The following SCAPER variants were observed in gnomAD, a reference collection of about 807,000 sequenced individuals.
SCAPER encodes the protein S phase cyclin A-associated protein in the endoplasmic reticulum.
SCAPER carries 98 observed loss-of-function variants against 182.2 expected under a neutral mutation model. The ratio of observed to expected loss-of-function variants is 0.54; its 90% CI spans 0.46 to 0.64. SCAPER has a LOEUF of 0.64. Among genes scored for constraint, SCAPER ranks in the 30% least tolerant of loss-of-function variants. The pLI, the probability that SCAPER is intolerant of heterozygous loss-of-function variation, is 0.00. For missense variants in SCAPER, 1,432 were observed against 1,690.0 expected (o/e 0.85, Z 2.68); for synonymous variants, 605 against 564.6 (o/e 1.07, Z -1.01).
At chr15:76,857,663 T>C in intron 4 of SCAPER, 146 bp downstream of exon 4, 1 of 573,994 alleles carries the variant, frequency 1.7e-6, no homozygotes, top group Non-Finnish European at 3.0e-6. Flanking sequence ...CTGATTACCA[T>C]ATACACATTT....
chr15:76,635,938 T>C (rs2053557296), intron 21 of SCAPER, among the ~76,000 whole-genome samples: 1 of 152,238 alleles, frequency 6.6e-6, no homozygotes, highest in Non-Finnish European at 1.5e-5. Flanking sequence ...AATCTTTAAA[T>C]ATGCTGCTGC....
At chr15:76,459,416 T>G (rs558161492) in intron 25 of SCAPER, among the ~76,000 whole-genome samples, 2 of 152,288 alleles carry the variant, frequency 1.3e-5, no homozygotes, top group East Asian at 3.9e-4. Context: ...CTCATTGTGA[T>G]TTTGATTTGC....
chr15:76,659,816 C>G (rs778725816), intron 21 of SCAPER, among the ~76,000 whole-genome samples: 2 of 152,080 alleles, frequency 1.3e-5, no homozygotes, highest in Non-Finnish European at 2.9e-5. Context: ...TAAATTATTC[C>G]GTTATTGTGC....
chr15:76,780,088 G>C (rs909390164), intron 8 of SCAPER, among the ~76,000 whole-genome samples: 1 of 152,230 alleles, frequency 6.6e-6, no homozygotes, highest in African/African-American at 2.4e-5. Flanking sequence ...CCTCACCCAG[G>C]AAATACAAGG....
intron 22 of SCAPER, among the ~76,000 whole-genome samples, 159 bp downstream of exon 22, chr15:76,621,605 A>G (rs912565800): frequency 6.6e-6 from 1 of 152,204 alleles, no homozygotes; most frequent in Non-Finnish European, 1.5e-5. Context: ...AAATATCCTC[A>G]GCCAACTCTC....
chr15:76,556,616 G>C (rs531761836), intron 23 of SCAPER, among the ~76,000 whole-genome samples: 1 of 152,102 alleles, frequency 6.6e-6, no homozygotes, highest in East Asian at 1.9e-4. Flanking sequence ...ACACAAACTA[G>C]GAAACCTAGA....
At chr15:76,883,591 T>C (rs2073690611) in intron 2 of SCAPER, among the ~76,000 whole-genome samples, 1 of 152,172 alleles carries the variant, frequency 6.6e-6, no homozygotes, top group Non-Finnish European at 1.5e-5. Flanking sequence ...ATTCCTAACC[T>C]AGGTACCATA....
Position 76,733,294 on chromosome 15 carries a change from T to G in SCAPER, c.1957A>C (p.Asn653His). The change falls in exon 16 of 32, where the codon AAT becomes CAT. Residue 653 changes from asparagine (N) to histidine (H), a missense_variant. Transcript: ENST00000563290. Reference protein sequence around the residue: ...SKLKEYEQRLNELQEERQRRQ... With the variant: ...SKLKEYEQRLHELQEERQRRQ... ...CTCTGACGCTCTTCCTGTAGCTCAT[T>G]AAGCCTCTGTTCATATTCCTTCAAT... 1 of 1,611,076 alleles carries G rather than the reference T, an allele frequency of 6.2e-7. No homozygotes were observed.
chr15:76,383,105 T>TAC (rs77313356), intron 27 of SCAPER, among the ~76,000 whole-genome samples: 23,397 of 149,792 alleles, frequency 0.16, 3,231 homozygotes, highest in African/African-American at 0.36. Context: ...TGTGTGTAAA[T>TAC]ACACACACAC....
At chr15:76,685,933 G>A (rs2058014967) in intron 20 of SCAPER, among the ~76,000 whole-genome samples, 1 of 151,964 alleles carries the variant, frequency 6.6e-6, no homozygotes, top group Admixed American at 6.5e-5. Flanking sequence ...ATTCTAAGTG[G>A]ATTGAAGATT....
At chr15:76,845,272 T>A (rs2069949794) in intron 4 of SCAPER, among the ~76,000 whole-genome samples, 1 of 152,174 alleles carries the variant, frequency 6.6e-6, no homozygotes, top group Admixed American at 6.5e-5. Context: ...TCATACTGAA[T>A]GTGGAAAAAC....
intron 22 of SCAPER, among the ~76,000 whole-genome samples, chr15:76,613,000 T>A (rs1166990293): frequency 6.6e-6 from 1 of 152,206 alleles, no homozygotes; most frequent in African/African-American, 2.4e-5. Context: ...ATGGGAGGCA[T>A]CAAGCTACCT....
At chr15:76,543,905 C>T (rs972308546) in intron 23 of SCAPER, among the ~76,000 whole-genome samples, 6 of 152,102 alleles carry the variant, frequency 3.9e-5, no homozygotes, top group Non-Finnish European at 8.8e-5. Context: ...AAAGACAACC[C>T]AGACAATGGG....
At position 76,795,427 on chromosome 15, in the gene SCAPER, T is replaced by A; in HGVS notation, c.625A>T (p.Thr209Ser). The A allele has an allele frequency of 3.1e-6, 5 of 1,597,648 alleles. No homozygotes were observed. The highest frequency in any genetic ancestry group is 4.3e-6 in the Non-Finnish European group (5 of 1,172,118). Reference sequence around the variant, plus strand: ...GGAGCCAGACGAGGAGCTGGCACTGTGCCAGTTGAACCTCTATGGAGAAAA... The same window carrying A: ...GGAGCCAGACGAGGAGCTGGCACTGAGCCAGTTGAACCTCTATGGAGAAAA... Reference protein sequence around the residue: ...RSLNFGGSTGTVPAPRLAPTG... With the variant: ...RSLNFGGSTGSVPAPRLAPTG... Residue 209 changes from threonine to serine, a missense_variant, in exon 8 of 32, where the codon ACA becomes TCA. By Grantham distance (58) the Thr-to-Ser change is moderately conservative. Coordinates refer to ENST00000563290, the MANE Select transcript of SCAPER (RefSeq NM_020843.4).
At chr15:76,667,770 T>C (rs2056721699) in intron 20 of SCAPER, among the ~76,000 whole-genome samples, 1 of 149,574 alleles carries the variant, frequency 6.7e-6, no homozygotes. Flanking sequence ...CTGGCCAACA[T>C]GGTAGAATCC....
chr15:76,647,291 C>T (rs1320077840), intron 21 of SCAPER, among the ~76,000 whole-genome samples: 1 of 152,106 alleles, frequency 6.6e-6, no homozygotes, highest in Non-Finnish European at 1.5e-5. Flanking sequence ...TTTATTAAGG[C>T]CTTGACAATT....
chr15:76,775,032 T>C lies in SCAPER; in HGVS notation c.858A>G (p.Ser286=). 1 of 1,613,848 alleles carries C rather than the reference T, an allele frequency of 6.2e-7. No individual in the cohort carries two copies. Among genetic ancestry groups the C allele is most frequent in the Non-Finnish European group, 8.5e-7 (1 of 1,179,778 alleles). ...SRSTAVMPKV[S]LATEATRSKD... ...TTGATCTTGTGGCTTCTGTTGCCAA[T>C]GAAACTTTTGGCATCACTGCTGTTG... The change falls in exon 9 of 32, where the codon TCA becomes TCG. Residue 286 remains serine (S), a synonymous_variant. Transcript: ENST00000563290.
intron 26 of SCAPER, among the ~76,000 whole-genome samples, chr15:76,409,531 C>G (rs1453587020): frequency 6.6e-6 from 1 of 151,816 alleles, no homozygotes; most frequent in Non-Finnish European, 1.5e-5. Flanking sequence ...ACGATGTTCA[C>G]TATTTGGGTG....
At chr15:76,370,291 ATTTTTTTTTTTTT>A (rs10524497) in intron 29 of SCAPER, among the ~76,000 whole-genome samples, 5 of 119,460 alleles carry the variant, frequency 4.2e-5, no homozygotes, top group East Asian at 4.9e-4. Flanking sequence ...TACCATTTCA[ATTTTTTTTTTTTT>A]TTTTTTTTTT....
Sources: gnomAD v4.1 joint callset for allele counts (sites outside exome capture counted in the v4.1 genomes callset) on GRCh38, gnomAD v4.1.1 for gene constraint, MANE v1.5 for transcripts, NCBI Gene and HGNC (gene_info 2026-07-23, HGNC 2026-07-21) for gene names.